The following CELF2 variants were observed in gnomAD, a reference collection of about 807,000 sequenced individuals.
The protein encoded by CELF2 is CUG triplet repeat RNA-binding protein 2.
CELF2 carries 8 observed loss-of-function variants against 62.6 expected under a neutral mutation model. That is an observed-to-expected ratio of 0.13 (90% CI 0.07 to 0.23). The LOEUF is 0.23. Among genes scored for constraint, CELF2 ranks in the 10% least tolerant of loss-of-function variants. The pLI, the probability that CELF2 is intolerant of heterozygous loss-of-function variation, is 1.00. For synonymous variants in CELF2, 258 were observed against 250.0 expected, an observed-to-expected ratio of 1.03 and a Z score of -0.30; for missense variants, 333 against 671.0, an observed-to-expected ratio of 0.50 and a Z score of 5.56.
rs2061286579 is a variant in CELF2, at chr10:10,879,078, T to C, written c.54-40886T>C. On this transcript the variant is annotated intron_variant, in intron 1 of 13. Coordinates refer to the CELF2 transcript ENST00000636488. The stretch of plus-strand genomic sequence containing the variant: ...TTTGTATCCAGGAGAATAACTGGGA[T>C]GATTGTACTCACATCCCAGGGAGTT... 2.0e-5 allele frequency among the ~76,000 whole-genome samples: 3 copies of C among 152,244 alleles called. No individual in the cohort carries two copies. The South Asian group carries it at 6.2e-4, about 32-fold the overall frequency.
At chr10:10,838,924 G>A (rs1196121844) in intron 1 of CELF2, among the ~76,000 whole-genome samples, 1 of 152,044 alleles carries the variant, frequency 6.6e-6, no homozygotes, top group African/African-American at 2.4e-5. Flanking sequence ...CAGGTCACGA[G>A]GTCAGGAGAT....
the CELF2 span, among the ~76,000 whole-genome samples, chr10:10,793,363 T>C: frequency 6.6e-6 from 1 of 152,202 alleles, no homozygotes; most frequent in African/African-American, 2.4e-5. Flanking sequence ...AAAGTGAGGA[T>C]ATGTACAAAA....
chr10:10,877,237 A>T (rs553092332), intron 1 of CELF2, among the ~76,000 whole-genome samples: 2 of 152,354 alleles, frequency 1.3e-5, no homozygotes, highest in African/African-American at 4.8e-5. Context: ...CTCTCAGTTA[A>T]TTTAGACAAT....
chr10:10,748,986 A>G, the CELF2 span, among the ~76,000 whole-genome samples: 3 of 152,136 alleles, frequency 2.0e-5, no homozygotes, highest in East Asian at 5.8e-4. Context: ...CAGTTTGCCA[A>G]ACCAGTATGA....
At chr10:10,798,698 G>C in exon 1 of CELF2, 1 of 398,738 alleles carries the variant, frequency 2.5e-6, no homozygotes, top group Non-Finnish European at 4.4e-6. Context: ...AGAATCCTCC[G>C]TCTGTTCCCC....
intron 7 of CELF2, among the ~76,000 whole-genome samples, chr10:11,271,240 G>A (rs2083673688): frequency 6.6e-6 from 1 of 152,200 alleles, no homozygotes; most frequent in South Asian, 2.1e-4. Flanking sequence ...GAACCAGATT[G>A]ATGAAATCAA....
rs374928689 is a variant in CELF2 at position 11,255,362 on chromosome 10, C to T, written c.404-2376C>T. Among the ~76,000 whole-genome samples the T allele has an allele frequency of 7.9e-5, 12 of 152,220 alleles. No homozygotes were observed. The highest frequency in any genetic ancestry group is 7.7e-4 in the East Asian group (4 of 5,164). ...CTGAGCTCCTTCTCTGCACATGAAG[C>T]GGAAGATGGGGCGTGCCATCCTGAG... On this transcript the variant is annotated intron_variant, in intron 4 of 12. Transcript: ENST00000633077. This position sits in a 1 kb window ranked among gnomAD's most constrained non-coding sequence, Gnocchi z 5.5.
chr10:10,681,485 A>T, the CELF2 span, among the ~76,000 whole-genome samples: 2 of 152,196 alleles, frequency 1.3e-5, no homozygotes, highest in Non-Finnish European at 2.9e-5. Flanking sequence ...TACTGTCCTC[A>T]TAGAGTGGAA....
the CELF2 span, among the ~76,000 whole-genome samples, chr10:10,607,457 C>T: frequency 6.6e-6 from 1 of 152,120 alleles, no homozygotes; most frequent in South Asian, 2.1e-4. Context: ...ATCTCAAAGC[C>T]AAGTGTGTAT....
the CELF2 span, among the ~76,000 whole-genome samples, chr10:10,500,214 T>C: frequency 6.6e-6 from 1 of 152,336 alleles, no homozygotes; most frequent in East Asian, 1.9e-4. Context: ...ATTTTTTAAG[T>C]TGAACTTTTT....
the CELF2 span, among the ~76,000 whole-genome samples, chr10:10,557,399 G>T: frequency 1.3e-5 from 2 of 150,034 alleles, no homozygotes; most frequent in Non-Finnish European, 3.0e-5. Context: ...CTATATCTCT[G>T]TTTTGGTACC....
At chr10:10,492,838 C>T in the CELF2 span, among the ~76,000 whole-genome samples, 1 of 152,094 alleles carries the variant, frequency 6.6e-6, no homozygotes, top group African/African-American at 2.4e-5. Context: ...GGGGCAGTTT[C>T]CCCCATACTG....
At chr10:10,709,242 G>A in the CELF2 span, among the ~76,000 whole-genome samples, 1 of 152,230 alleles carries the variant, frequency 6.6e-6, no homozygotes, top group Non-Finnish European at 1.5e-5. Context: ...TCCCTGATAT[G>A]AGAGCAAAAT....
chr10:10,524,823 T>C, the CELF2 span, among the ~76,000 whole-genome samples: 74,327 of 151,934 alleles, frequency 0.49, 18,957 homozygotes, highest in South Asian at 0.65. Flanking sequence ...AGCACGTGTA[T>C]TTCTGGAGGA....
intron 1 of CELF2, among the ~76,000 whole-genome samples, chr10:11,070,818 C>T (rs896649751): frequency 1.3e-5 from 2 of 152,074 alleles, no homozygotes; most frequent in African/African-American, 4.8e-5. Context: ...TCAGTTGCTA[C>T]TAAGGAGTCT....
intron 2 of CELF2, among the ~76,000 whole-genome samples, chr10:11,176,262 C>A (rs987591255): frequency 6.6e-6 from 1 of 152,138 alleles, no homozygotes; most frequent in Non-Finnish European, 1.5e-5. Flanking sequence ...ACTGATGAGC[C>A]TTTCTGAGGG....
intron 1 of CELF2, among the ~76,000 whole-genome samples, chr10:11,084,918 G>A (rs982657690): frequency 2.6e-5 from 4 of 152,066 alleles, no homozygotes; most frequent in Non-Finnish European, 5.9e-5. Context: ...ATATCATTAC[G>A]GAAATTCTAG....
At chr10:10,906,384 C>A (rs2063341406) in intron 1 of CELF2, among the ~76,000 whole-genome samples, 1 of 152,248 alleles carries the variant, frequency 6.6e-6, no homozygotes, top group African/African-American at 2.4e-5. Flanking sequence ...CAGCCACTCA[C>A]TGTCCTAAGT....
chr10:11,112,245 C>T (rs1172506642), intron 1 of CELF2, among the ~76,000 whole-genome samples: 1 of 152,242 alleles, frequency 6.6e-6, no homozygotes, highest in Non-Finnish European at 1.5e-5. Context: ...TCTTCATCTC[C>T]ACCTTGGGAA....
Sources: allele counts gnomAD v4.1 joint callset (sites outside exome capture counted in the v4.1 genomes callset), GRCh38; gene constraint gnomAD v4.1.1; non-coding constraint Gnocchi (gnomAD v3.1); transcripts MANE v1.5; gene names NCBI Gene and HGNC (gene_info 2026-07-23, HGNC 2026-07-21).